Variants in NRP2 observed in about 807,000 individuals in gnomAD.
NRP2 encodes neuropilin-2.
A neutral mutation model predicts 110.4 loss-of-function variants in NRP2; 52 were observed. That is an observed-to-expected ratio of 0.47 (90% CI 0.38 to 0.59). The LOEUF is 0.59. NRP2 is among the 20% of genes least tolerant of loss of function. The pLI is 0.00. For synonymous variants in NRP2, 508 were observed against 468.9 expected (o/e 1.08, Z -1.08); for missense variants, 1,049 against 1,203.0 (o/e 0.87, Z 1.89).
intron 15 of NRP2, among the ~76,000 whole-genome samples, chr2:205,781,782 G>T (rs141470819): frequency 6.6e-6 from 1 of 152,292 alleles, no homozygotes; most frequent in African/African-American, 2.4e-5. Flanking sequence ...GGGAGGGGGC[G>T]AGGGGAACAC....
At position 205,727,921 on chromosome 2, in the gene NRP2, G is replaced by A. The variant is rs751636080; in HGVS notation, c.1021G>A (p.Ala341Thr). ...CCTGCGCTTTTTAACCATGCTCACG[G>A]CCATCGCAACACAGGGAGCGATTTC... ...VDLRFLTMLTAIATQGAISRE... is the reference protein window; with the variant it reads ...VDLRFLTMLTTIATQGAISRE... The change falls in exon 7 of 17, where the codon GCC becomes ACC. Residue 341 changes from alanine to threonine, a missense_variant. Ala to Thr is a moderately conservative substitution (Grantham distance 58, BLOSUM62 0). Transcript: ENST00000357785. The A allele has an allele frequency of 9.9e-6, 16 of 1,613,784 alleles. 1 individual carries two copies. The South Asian group carries it at 1.5e-4, about 16-fold the overall frequency.
chr2:205,689,719 C>G, intron 1 of NRP2, among the ~76,000 whole-genome samples: 1 of 152,054 alleles, frequency 6.6e-6, no homozygotes, highest in East Asian at 1.9e-4. Flanking sequence ...CTCCTATTTT[C>G]TTTTTAATCT....
In NRP2 at chr2:205,796,230, G is replaced by C. The variant is rs918068004; in HGVS notation, c.*1172G>C. On this transcript the variant is annotated 3_prime_UTR_variant, in exon 17 of 17. Transcript: ENST00000357785. Reference sequence around the variant, plus strand: ...TTGAAATGCATTTGTCTCTCAAATAGACTAGTAAACACCGACTTCTCCTTT... The same window carrying C: ...TTGAAATGCATTTGTCTCTCAAATACACTAGTAAACACCGACTTCTCCTTT... The C allele has an allele frequency of 6.6e-6, 1 of 152,196 alleles. No individual in the cohort carries two copies. The highest frequency in any genetic ancestry group is 2.4e-5 in the African/African-American group (1 of 41,446). The allele number at this position is 152,196 out of a possible 1,614,324, so 9.4% of individuals were successfully genotyped here.
chr2:205,693,283 C>T (rs1239848928), intron 1 of NRP2, among the ~76,000 whole-genome samples: 1 of 152,202 alleles, frequency 6.6e-6, no homozygotes, highest in African/African-American at 2.4e-5. Context: ...TCCTAGTCAT[C>T]TGCTCTTTCT....
chr2:205,696,958 A>T (rs1004402216), intron 1 of NRP2, among the ~76,000 whole-genome samples: 13 of 152,170 alleles, frequency 8.5e-5, no homozygotes, highest in African/African-American at 2.4e-4. Context: ...AAAAAAATTT[A>T]AAAAGGCTGC....
chr2:205,757,757 A>G (rs942909710), intron 12 of NRP2, among the ~76,000 whole-genome samples: 31 of 152,358 alleles, frequency 2.0e-4, no homozygotes, highest in African/African-American at 7.5e-4. Flanking sequence ...GATCAGGAGC[A>G]GCTTGGCTAA....
At chr2:205,753,100 C>T in intron 12 of NRP2, 125 bp downstream of exon 12, 1 of 1,271,118 alleles carries the variant, frequency 7.9e-7, no homozygotes, top group Non-Finnish European at 1.1e-6. Context: ...TCTTTGCCCA[C>T]AAACCACCAC....
chr2:205,737,562 G>A (rs763099289), intron 7 of NRP2, among the ~76,000 whole-genome samples: 1 of 152,150 alleles, frequency 6.6e-6, no homozygotes, highest in Non-Finnish European at 1.5e-5. Context: ...AGAGTGAGAG[G>A]TGTGTTAAAA....
At chr2:205,767,533 A>G (rs2057946060) in intron 15 of NRP2, 1 of 420,872 alleles carries the variant, frequency 2.4e-6, no homozygotes, top group Admixed American at 2.8e-5. Context: ...CAGAGAGAGC[A>G]GAGCAAAGTG....
At chr2:205,731,573 T>A (rs1372747215) in intron 7 of NRP2, among the ~76,000 whole-genome samples, 3 of 152,184 alleles carry the variant, frequency 2.0e-5, no homozygotes, top group African/African-American at 7.2e-5. Flanking sequence ...CCCTTATTTG[T>A]CTAGGCAAAA....
At chr2:205,793,336 A>G (rs1170946648) in intron 16 of NRP2, among the ~76,000 whole-genome samples, 6 of 152,088 alleles carry the variant, frequency 3.9e-5, no homozygotes, top group Non-Finnish European at 8.8e-5. Flanking sequence ...ATTTCTTTAA[A>G]CCTCAGTTTC....
chr2:205,740,583 C>T lies in NRP2; in HGVS notation c.1211C>T (p.Thr404Ile), dbSNP rs753657889. 1.9e-5 allele frequency: 30 copies of T among 1,614,124 alleles called. No homozygotes were observed. The highest frequency in any genetic ancestry group is 8.5e-7 in the Non-Finnish European group (1 of 1,180,050). ...VLNKLHAPLL[T>I]RFVRIRPQTW... is the part of the protein sequence containing the mutation. ...AACAAGCTCCACGCTCCACTGCTGACAAGGTTTGTTAGAATCCGCCCTCAG... is the reference window on the plus strand; with the variant it reads ...AACAAGCTCCACGCTCCACTGCTGATAAGGTTTGTTAGAATCCGCCCTCAG... The change falls in exon 8 of 17, where the codon ACA (threonine) becomes ATA (isoleucine). Residue 404 changes from threonine (T) to isoleucine (I), a missense_variant. Thr to Ile is a moderately conservative substitution (Grantham distance 89). Coordinates refer to ENST00000357785, the MANE Select transcript of NRP2 (RefSeq NM_003872.3).
chr2:205,693,106 A>G (rs563855214), intron 1 of NRP2, among the ~76,000 whole-genome samples: 1 of 152,326 alleles, frequency 6.6e-6, no homozygotes, highest in South Asian at 2.1e-4. Context: ...TTGCCTTGCT[A>G]CCAATAATTA....
At position 205,686,993 on chromosome 2, in the gene NRP2, G is replaced by A. The variant is rs2056184147; in HGVS notation, c.73+3630G>A. ...CTGACAATGGGTTTCTTCAAATGGT[G>A]GCAACTCCCAGGCCTAATGTCCCCA... On this transcript the variant is annotated intron_variant, in intron 1 of 16. Coordinates refer to ENST00000357785, the MANE Select transcript of NRP2 (RefSeq NM_003872.3). The surrounding 1 kb of genome is among the most constrained non-coding windows in gnomAD (Gnocchi z 4.7). Among the ~76,000 whole-genome samples, 1 of 152,128 alleles carries A rather than the reference G, an allele frequency of 6.6e-6. No individual in the cohort carries two copies. Among genetic ancestry groups the A allele is most frequent in the Non-Finnish European group, 1.5e-5 (1 of 68,026 alleles).
At chr2:205,745,550 C>T (rs1433290702) in intron 9 of NRP2, among the ~76,000 whole-genome samples, 196 bp from the exon 10 acceptor site, 2 of 152,160 alleles carry the variant, frequency 1.3e-5, no homozygotes, top group African/African-American at 2.4e-5. Context: ...TCCATAACCA[C>T]CTTCCAAATG....
At position 205,725,583 on chromosome 2, in the gene NRP2, C is replaced by T. The variant is rs2057111374; in HGVS notation, c.821-330C>T. Among the ~76,000 whole-genome samples, 1 of 152,192 alleles carries T rather than the reference C, an allele frequency of 6.6e-6. No homozygotes were observed. Among genetic ancestry groups the T allele is most frequent in the Non-Finnish European group, 1.5e-5 (1 of 68,024 alleles). ...CGCCACGAGTCTATCTCACATTTACCTGTATTGCAGTAATGGTGCATCTGG... is the reference window on the plus strand; with the variant it reads ...CGCCACGAGTCTATCTCACATTTACTTGTATTGCAGTAATGGTGCATCTGG... On this transcript the variant is annotated intron_variant, in intron 5 of 16. Coordinates refer to ENST00000357785, the MANE Select transcript of NRP2 (RefSeq NM_003872.3). The surrounding 1 kb of genome is among the most constrained non-coding windows in gnomAD (Gnocchi z 4.1).
intron 3 of NRP2, among the ~76,000 whole-genome samples, chr2:205,718,229 A>G (rs973373765): frequency 6.6e-6 from 1 of 152,238 alleles, no homozygotes; most frequent in Admixed American, 6.5e-5. Flanking sequence ...GTATTTCACA[A>G]GGCATCATGC....
intron 7 of NRP2, among the ~76,000 whole-genome samples, chr2:205,731,722 G>A (rs1202966156): frequency 6.6e-6 from 1 of 152,212 alleles, no homozygotes; most frequent in Non-Finnish European, 1.5e-5. Flanking sequence ...TCTGTGGGGT[G>A]CCAAATGCAC....
intron 1 of NRP2, among the ~76,000 whole-genome samples, chr2:205,693,999 G>A (rs1461705757): frequency 6.6e-6 from 1 of 152,218 alleles, no homozygotes; most frequent in Non-Finnish European, 1.5e-5. Context: ...ATTTTTAAAA[G>A]ATCTTCTTTT....
Sources: allele counts gnomAD v4.1 joint callset (sites outside exome capture counted in the v4.1 genomes callset), GRCh38; gene constraint gnomAD v4.1.1; non-coding constraint Gnocchi (gnomAD v3.1); transcripts MANE v1.5; gene names NCBI Gene and HGNC (gene_info 2026-07-23, HGNC 2026-07-21).